The following PPARGC1A variants were observed in gnomAD, a reference collection of about 807,000 sequenced individuals.
The protein encoded by PPARGC1A is PPARG coactivator 1 alpha, also known as peroxisome proliferator-activated receptor gamma coactivator 1-alpha.
Under a neutral mutation model 88.7 loss-of-function variants are expected in PPARGC1A, and 25 were observed. That is an observed-to-expected ratio of 0.28 (90% CI 0.21 to 0.39). The LOEUF is 0.39. PPARGC1A is among the 10% of genes least tolerant of loss of function. PPARGC1A has a pLI of 1.00. For missense variants in PPARGC1A, 880 were observed against 968.7 expected, an observed-to-expected ratio of 0.91 and a Z score of 1.22; for synonymous variants, 363 against 355.6, an observed-to-expected ratio of 1.02 and a Z score of -0.24.
the PPARGC1A span, among the ~76,000 whole-genome samples, chr4:24,442,921 A>C: frequency 6.6e-6 from 1 of 152,124 alleles, no homozygotes; most frequent in South Asian, 2.1e-4. Flanking sequence ...ATGATCTGAG[A>C]TCTTTAATTT....
chr4:24,208,846 T>C, the PPARGC1A span, among the ~76,000 whole-genome samples: 1 of 152,108 alleles, frequency 6.6e-6, no homozygotes, highest in East Asian at 1.9e-4. Context: ...GTGTTAAATA[T>C]TGCAACTCTA....
At chr4:23,903,400 A>G (rs972036370), upstream of PPARGC1A, among the ~76,000 whole-genome samples, 1 of 152,206 alleles carries the variant, frequency 6.6e-6, no homozygotes, top group African/African-American at 2.4e-5. Context: ...ATGGAGATGC[A>G]TGGCATTATT....
At chr4:24,101,226 T>C in the PPARGC1A span, among the ~76,000 whole-genome samples, 1 of 152,126 alleles carries the variant, frequency 6.6e-6, no homozygotes, top group Non-Finnish European at 1.5e-5. Flanking sequence ...TGTTTAAAAG[T>C]ATGTATCACC....
chr4:24,399,482 A>G, the PPARGC1A span, among the ~76,000 whole-genome samples: 4 of 152,192 alleles, frequency 2.6e-5, no homozygotes, highest in African/African-American at 7.2e-5. Flanking sequence ...ATTATTCAGC[A>G]TGGAGAGGCA....
At chr4:23,911,354 G>A in the PPARGC1A span, among the ~76,000 whole-genome samples, 1 of 152,068 alleles carries the variant, frequency 6.6e-6, no homozygotes, top group Non-Finnish European at 1.5e-5. Context: ...AAACAAAATA[G>A]AATCTATCCC....
At chr4:24,301,224 G>A in the PPARGC1A span, among the ~76,000 whole-genome samples, 88 of 152,126 alleles carry the variant, frequency 5.8e-4, no homozygotes, top group Non-Finnish European at 1.1e-3. Flanking sequence ...AATCTTCATC[G>A]TAAAAAGAAG....
chr4:24,155,609 A>T, the PPARGC1A span, among the ~76,000 whole-genome samples: 1 of 152,046 alleles, frequency 6.6e-6, no homozygotes, highest in African/African-American at 2.4e-5. Flanking sequence ...AAAAAAAAAA[A>T]AAATACAAGA....
At chr4:24,383,415 TAAC>T in the PPARGC1A span, among the ~76,000 whole-genome samples, 1 of 152,012 alleles carries the variant, frequency 6.6e-6, no homozygotes, top group Non-Finnish European at 1.5e-5. Context: ...AGGTAGGTAA[TAAC>T]AAACTCCTCC....
the PPARGC1A span, among the ~76,000 whole-genome samples, chr4:23,994,380 CT>C: frequency 1.3e-5 from 2 of 152,004 alleles, no homozygotes; most frequent in African/African-American, 2.4e-5. Context: ...GTTTTGTTTC[CT>C]GGGGTGAAAG....
chr4:23,989,865 A>T, the PPARGC1A span, among the ~76,000 whole-genome samples: 1 of 151,296 alleles, frequency 6.6e-6, no homozygotes, highest in Non-Finnish European at 1.5e-5. Flanking sequence ...ATGCAAAACA[A>T]ATAACTGATA....
At chr4:24,165,156 A>C in the PPARGC1A span, among the ~76,000 whole-genome samples, 2 of 152,170 alleles carry the variant, frequency 1.3e-5, no homozygotes, top group Non-Finnish European at 2.9e-5. Flanking sequence ...GAAATTTCTA[A>C]TGGACATATT....
chr4:24,183,637 C>T, the PPARGC1A span, among the ~76,000 whole-genome samples: 2 of 152,160 alleles, frequency 1.3e-5, no homozygotes, highest in South Asian at 2.1e-4. Context: ...AGTGGGACAA[C>T]ATTCCCATGA....
At chr4:24,471,876 A>T in the PPARGC1A span, among the ~76,000 whole-genome samples, 1 of 152,130 alleles carries the variant, frequency 6.6e-6, no homozygotes, top group African/African-American at 2.4e-5. The surrounding 1 kb of genome is among the most constrained non-coding windows in gnomAD (Gnocchi z 5.4). Flanking sequence ...TTGAGATTGC[A>T]GCCATTTTAG....
chr4:24,031,588 A>G, the PPARGC1A span, among the ~76,000 whole-genome samples: 4 of 152,168 alleles, frequency 2.6e-5, no homozygotes, highest in African/African-American at 9.7e-5. Context: ...TGTTCAGCCC[A>G]GGCACTACTC....
chr4:23,857,564 C>T (rs537200170), intron 2 of PPARGC1A, among the ~76,000 whole-genome samples: 1 of 151,764 alleles, frequency 6.6e-6, no homozygotes. Flanking sequence ...GAACCCCATT[C>T]TTTTACTTAA....
chr4:24,376,615 G>T, the PPARGC1A span, among the ~76,000 whole-genome samples: 3 of 152,302 alleles, frequency 2.0e-5, no homozygotes, highest in South Asian at 6.2e-4. Context: ...GTCATGTCAG[G>T]ATAAAAGAAT....
intron 10 of PPARGC1A, 53 bp downstream of exon 10, chr4:23,812,694 C>A: frequency 6.2e-7 from 1 of 1,602,188 alleles, no homozygotes; most frequent in Non-Finnish European, 8.5e-7. Flanking sequence ...AAAAAGCACA[C>A]AGAAAAAGAA....
chr4:24,459,846 G>A, the PPARGC1A span, among the ~76,000 whole-genome samples: 1 of 152,106 alleles, frequency 6.6e-6, no homozygotes, highest in African/African-American at 2.4e-5. Flanking sequence ...AATACAATAG[G>A]CATAAAATAA....
intron 1 of PPARGC1A, among the ~76,000 whole-genome samples, chr4:23,887,250 G>C (rs1412170994): frequency 6.6e-6 from 1 of 152,100 alleles, no homozygotes; most frequent in African/African-American, 2.4e-5. Context: ...GTTGAGAAAA[G>C]TGCATGTGTT....
Sources: gnomAD v4.1 joint callset for allele counts (sites outside exome capture counted in the v4.1 genomes callset) on GRCh38, gnomAD v4.1.1 for gene constraint, Gnocchi (gnomAD v3.1) non-coding constraint, MANE v1.5 for transcripts, NCBI Gene and HGNC (gene_info 2026-07-23, HGNC 2026-07-21) for gene names.